GRID2: variants seen among roughly 807,000 people sequenced by gnomAD.
GRID2 encodes glutamate receptor ionotropic, delta-2.
Under a neutral mutation model 114.8 loss-of-function variants are expected in GRID2, and 33 were observed. That is an observed-to-expected ratio of 0.29 (90% confidence interval 0.22 to 0.38). The LOEUF (loss-of-function observed/expected upper bound fraction) is 0.38, where lower values mean the gene tolerates loss of function less well. Ranked by LOEUF, GRID2 falls within the 10% of genes least tolerant of loss-of-function variation. GRID2 has a pLI of 1.00. For missense variants in GRID2, 1,184 were observed against 1,257.7 expected (o/e 0.94, Z 0.89); for synonymous variants, 505 against 449.9 (o/e 1.12, Z -1.55).
intron 1 of GRID2, among the ~76,000 whole-genome samples, chr4:93,791,194 C>A (rs779153977): frequency 3.9e-5 from 6 of 151,908 alleles, no homozygotes; most frequent in Non-Finnish European, 8.8e-5. Flanking sequence ...TCTTGTAAAC[C>A]TGCAATATAA....
At chr4:92,637,500 G>A (rs1731129736) in intron 2 of GRID2, among the ~76,000 whole-genome samples, 1 of 151,904 alleles carries the variant, frequency 6.6e-6, no homozygotes, top group Non-Finnish European at 1.5e-5. Context: ...TCCTTATAAA[G>A]GACCACATAA....
At chr4:93,436,933 A>C (rs951132001) in intron 10 of GRID2, among the ~76,000 whole-genome samples, 1 of 152,146 alleles carries the variant, frequency 6.6e-6, no homozygotes, top group African/African-American at 2.4e-5. Context: ...AGTTTATGAA[A>C]TATGATTGAT....
intron 2 of GRID2, among the ~76,000 whole-genome samples, chr4:92,656,429 A>G (rs1732238558): frequency 6.6e-6 from 1 of 151,642 alleles, no homozygotes; most frequent in Non-Finnish European, 1.5e-5. Context: ...TGAGAACAGT[A>G]CATTCTAGCA....
chr4:93,597,450 G>A (rs115774882), intron 13 of GRID2, among the ~76,000 whole-genome samples: 2 of 152,240 alleles, frequency 1.3e-5, no homozygotes, highest in Admixed American at 1.3e-4. Flanking sequence ...GCTTCTCCTA[G>A]GATGCGTTAG....
intron 1 of GRID2, among the ~76,000 whole-genome samples, chr4:92,305,715 G>C (rs534160352): frequency 2.0e-5 from 3 of 152,298 alleles, no homozygotes; most frequent in East Asian, 3.9e-4. Context: ...GGGGGGCTGC[G>C]CGTCATTATC....
At position 93,216,768 on chromosome 4, in the gene GRID2, G is replaced by A; in HGVS notation, c.820G>A (p.Val274Ile). The A allele has an allele frequency of 6.2e-7, 1 of 1,612,044 alleles. No homozygotes were observed. The highest frequency in any genetic ancestry group is 8.5e-7 in the Non-Finnish European group (1 of 1,178,312). The part of the protein sequence containing the change: ...EINDVDVQEL[V>I]RRSIGRLTII... Reference sequence around the variant, plus strand: ...AAACGATGTGGACGTACAGGAACTTGTAAGAAGGTCAATTGGAAGGTTAAC... The same window carrying A: ...AAACGATGTGGACGTACAGGAACTTATAAGAAGGTCAATTGGAAGGTTAAC... The change falls in exon 6 of 16, where the codon GTA becomes ATA. Residue 274 changes from valine (V) to isoleucine (I), a missense_variant. Transcript: ENST00000282020.
intron 2 of GRID2, among the ~76,000 whole-genome samples, chr4:93,047,911 A>C (rs554583544): frequency 2.6e-5 from 4 of 152,242 alleles, no homozygotes; most frequent in Admixed American, 2.6e-4. Context: ...AAGGAAAAAA[A>C]TAAGACTCTG....
intron 2 of GRID2, among the ~76,000 whole-genome samples, chr4:92,791,930 G>C (rs767035813): frequency 5.9e-5 from 9 of 151,774 alleles, no homozygotes; most frequent in Admixed American, 1.3e-4. Context: ...AGCATGTGTT[G>C]AAAATAGTGC....
rs114595155 is a variant in GRID2 at position 92,551,761 on chromosome 4, G to T, written c.89-38370G>T. 6.9e-3 allele frequency among the ~76,000 whole-genome samples: 1,043 copies of T among 152,196 alleles called. 11 individuals carry two copies. The highest frequency in any genetic ancestry group is 0.022 in the African/African-American group (909 of 41,548). On this transcript the variant is annotated intron_variant, in intron 1 of 15. Transcript: ENST00000282020. ...CAGACAATTATAAACATGTTGCATT[G>T]GTTGGAGAGGAAGCTGAGGATTGCT...
chr4:92,950,272 T>A (rs922293099), intron 2 of GRID2, among the ~76,000 whole-genome samples: 2 of 152,136 alleles, frequency 1.3e-5, no homozygotes, highest in Non-Finnish European at 2.9e-5. Context: ...GTTTGGAGAT[T>A]TTCTCCCTGA....
chr4:92,765,368 A>G (rs1738208358), intron 2 of GRID2, among the ~76,000 whole-genome samples: 1 of 152,208 alleles, frequency 6.6e-6, no homozygotes, highest in Admixed American at 6.5e-5. Context: ...TCGACGTCCA[A>G]ACTCATCATT....
intron 9 of GRID2, among the ~76,000 whole-genome samples, chr4:93,409,942 G>C (rs1579988826): frequency 6.6e-6 from 1 of 152,154 alleles, no homozygotes; most frequent in Non-Finnish European, 1.5e-5. Flanking sequence ...GAAGTTTAGA[G>C]AGAGATCGAC....
At chr4:92,889,433 C>T (rs1264114182) in intron 2 of GRID2, among the ~76,000 whole-genome samples, 1 of 151,994 alleles carries the variant, frequency 6.6e-6, no homozygotes, top group African/African-American at 2.4e-5. Context: ...TCTCAGGATC[C>T]AAAATCAATG....
In GRID2 at chr4:92,318,681, C is replaced by G. The variant is rs973779516; in HGVS notation, c.88+13937C>G. On this transcript the variant is annotated intron_variant, in intron 1 of 15. Coordinates refer to ENST00000282020, the MANE Select transcript of GRID2 (RefSeq NM_001510.4). ...TGCAGAGGGAATTTTCTCATGTTGCCCAAGCTGGTCTCAAACTCCTGAGCT... is the reference window on the plus strand; with the variant it reads ...TGCAGAGGGAATTTTCTCATGTTGCGCAAGCTGGTCTCAAACTCCTGAGCT... Among the ~76,000 whole-genome samples, 31 of 151,578 alleles carry G rather than the reference C, an allele frequency of 2.0e-4. 1 individual carries two copies. Among genetic ancestry groups the G allele is most frequent in the Admixed American group, 1.9e-3 (29 of 15,192 alleles).
intron 13 of GRID2, among the ~76,000 whole-genome samples, chr4:93,550,817 T>G (rs1380960415): frequency 6.6e-6 from 1 of 152,266 alleles, no homozygotes; most frequent in Non-Finnish European, 1.5e-5. Flanking sequence ...ATTGCATACT[T>G]ATTATATGCC....
chr4:93,674,955 T>C (rs1401125444), intron 14 of GRID2, among the ~76,000 whole-genome samples: 1 of 152,172 alleles, frequency 6.6e-6, no homozygotes, highest in Admixed American at 6.5e-5. Flanking sequence ...TCTATCAATT[T>C]ATCATTATGT....
chr4:92,604,552 G>C (rs1318743293), intron 2 of GRID2, among the ~76,000 whole-genome samples: 3 of 152,116 alleles, frequency 2.0e-5, no homozygotes, highest in Admixed American at 2.0e-4. Flanking sequence ...GAGAGAGAAA[G>C]CATCAGGATA....
chr4:92,786,302 T>A (rs1354078424), intron 2 of GRID2, among the ~76,000 whole-genome samples: 3 of 151,914 alleles, frequency 2.0e-5, no homozygotes, highest in Non-Finnish European at 2.9e-5. Context: ...TTTTGGGGTT[T>A]GATAACTTTA....
intron 2 of GRID2, among the ~76,000 whole-genome samples, chr4:92,808,972 G>A (rs1328765361): frequency 6.6e-6 from 1 of 151,706 alleles, no homozygotes; most frequent in Non-Finnish European, 1.5e-5. Flanking sequence ...AAATCAAATA[G>A]GGTATAAAAA....
Sources: allele counts gnomAD v4.1 joint callset (sites outside exome capture counted in the v4.1 genomes callset), GRCh38; gene constraint gnomAD v4.1.1; transcripts MANE v1.5; gene names NCBI Gene and HGNC (gene_info 2026-07-23, HGNC 2026-07-21).